The following IGSF10 variants were observed in gnomAD, a reference collection of about 807,000 sequenced individuals.
IGSF10 encodes the protein immunoglobulin superfamily member 10.
IGSF10 carries 126 observed loss-of-function variants against 128.2 expected under a neutral mutation model. That is an observed-to-expected ratio of 0.98 (90% CI 0.85 to 1.14). IGSF10 has a LOEUF of 1.14. Ranked by LOEUF, IGSF10 falls within the 50% of genes most tolerant of loss-of-function variation. IGSF10 has a pLI of 0.00. For synonymous variants in IGSF10, 1,185 were observed against 1,146.2 expected (o/e 1.03, Z -0.68); for missense variants, 3,295 against 3,149.8 (o/e 1.05, Z -1.10).
the IGSF10 span, among the ~76,000 whole-genome samples, chr3:151,558,018 A>ATATATATTATATATAATATATATT: frequency 9.9e-4 from 15 of 15,210 alleles, 3 homozygotes; most frequent in East Asian, 2.3e-3. Flanking sequence ...ATATATATAT[A>ATATATATTATATATAATATATATT]ATATATATAT....
rs34806213 is a variant in IGSF10 at position 151,445,368 on chromosome 3, G to A, written c.4613C>T (p.Thr1538Ile). The A allele has an allele frequency of 1.6e-4, 263 of 1,614,166 alleles. 1 individual carries two copies. In the African/African-American group the frequency reaches 3.3e-3, roughly 20 times the overall value. ...VHPNAKFTIG[T>I]THFIYSNLLH... ...CAGATTAGAGTAGATGAAGTGAGTG[G>A]TTCCAATTGTGAACTTGGCATTTGG... The change falls in exon 6 of 8, where the codon ACC becomes ATC. Residue 1538 changes from threonine (T) to isoleucine (I), a missense_variant. Coordinates refer to ENST00000282466, the MANE Select transcript of IGSF10 (RefSeq NM_178822.5).
At chr3:151,589,866 G>A in the IGSF10 span, among the ~76,000 whole-genome samples, 7 of 152,136 alleles carry the variant, frequency 4.6e-5, no homozygotes, top group African/African-American at 1.4e-4. Context: ...TTCAGTCACA[G>A]CTAGGAATAT....
the IGSF10 span, among the ~76,000 whole-genome samples, chr3:151,517,217 A>G: frequency 6.6e-6 from 1 of 152,076 alleles, no homozygotes; most frequent in East Asian, 1.9e-4. Context: ...ACTAAACAGG[A>G]GTGTCTCTGC....
At chr3:151,473,120 T>G in the IGSF10 span, among the ~76,000 whole-genome samples, 1 of 152,194 alleles carries the variant, frequency 6.6e-6, no homozygotes, top group African/African-American at 2.4e-5. Flanking sequence ...CCTTATGTGT[T>G]CTTCTGTTTT....
chr3:151,521,177 C>T, the IGSF10 span, among the ~76,000 whole-genome samples: 6 of 151,776 alleles, frequency 4.0e-5, no homozygotes, highest in African/African-American at 1.4e-4. Context: ...GAAAACCTAA[C>T]TATCCTGTTT....
At position 151,449,285 on chromosome 3, in the gene IGSF10, G is replaced by C. The variant is rs1560179456; in HGVS notation, c.716-20C>G. ...TTACATCTGGAAAAAAATCACAATT[G>C]AATTATCAGTTGTGACCTCTTTATG... On this transcript the variant is annotated intron_variant, in intron 5 of 7. Transcript: ENST00000282466. 1.3e-6 allele frequency: 2 copies of C among 1,549,664 alleles called. No individual in the cohort carries two copies. The highest frequency in any genetic ancestry group is 1.7e-6 in the Non-Finnish European group (2 of 1,150,254).
the IGSF10 span, among the ~76,000 whole-genome samples, chr3:151,469,675 A>G: frequency 6.6e-6 from 1 of 152,186 alleles, no homozygotes; most frequent in Non-Finnish European, 1.5e-5. Flanking sequence ...AAAGTGTGCA[A>G]CCTATGAAAG....
chr3:151,594,579 C>A, the IGSF10 span, among the ~76,000 whole-genome samples: 1 of 151,392 alleles, frequency 6.6e-6, no homozygotes, highest in African/African-American at 2.4e-5. Context: ...CCTCGGCCTC[C>A]CAAAGTGCTG....
intron 7 of IGSF10, among the ~76,000 whole-genome samples, chr3:151,439,618 AAAAT>A (rs1720715515): frequency 6.6e-6 from 1 of 152,170 alleles, no homozygotes; most frequent in African/African-American, 2.4e-5. Context: ...GTTTTAGAAA[AAAAT>A]AAATTTTACT....
Position 151,447,104 on chromosome 3 carries a change from T to C in IGSF10, c.2877A>G (p.Arg959=), listed in dbSNP as rs1483713469. Residue 959 remains arginine (R), a synonymous_variant, in exon 6 of 8, where the codon AGA becomes AGG. Coordinates refer to ENST00000282466, the MANE Select transcript of IGSF10 (RefSeq NM_178822.5). ...GATTGTGCCTGGGTTCACTCACTTC[T>C]CTTACAGATGTCTGATGACTATTTG... ...NTTNSHQTSV[R]EVSEPRHNHF... is the part of the protein sequence containing the mutation. 6.2e-7 allele frequency: 1 copy of C among 1,614,224 alleles called. No homozygotes were observed. Among genetic ancestry groups the C allele is most frequent in the East Asian group, 2.2e-5 (1 of 44,886 alleles).
the IGSF10 span, among the ~76,000 whole-genome samples, chr3:151,506,500 T>A: frequency 7.2e-5 from 11 of 152,006 alleles, no homozygotes; most frequent in African/African-American, 1.9e-4. Flanking sequence ...TAAAGATTTC[T>A]GCCTATGTAT....
the IGSF10 span, among the ~76,000 whole-genome samples, chr3:151,504,050 A>C: frequency 6.6e-6 from 1 of 152,158 alleles, no homozygotes; most frequent in Non-Finnish European, 1.5e-5. Context: ...CTCTGGCTGC[A>C]TGACACCAAA....
chr3:151,574,016 CT>C, the IGSF10 span, among the ~76,000 whole-genome samples: 6 of 151,572 alleles, frequency 4.0e-5, no homozygotes, highest in Admixed American at 6.6e-5. Flanking sequence ...TATGAAAATT[CT>C]TTTCTTTAAG....
Position 151,448,440 on chromosome 3 carries a change from C to T in IGSF10, c.1541G>A (p.Gly514Glu). The change falls in exon 6 of 8, where the codon GGA becomes GAA. Residue 514 changes from glycine to glutamate, a missense_variant. Transcript: ENST00000282466. ...GACATAAGGGGCTCTCACTTTACTT[C>T]CATCAGCTAGAAGCCAATCCACGTG... ...TPHVDWLLAD[G>E]SKVRAPYVSE... 1 of 1,614,226 alleles carries T rather than the reference C, an allele frequency of 6.2e-7. No individual in the cohort carries two copies. The highest frequency in any genetic ancestry group is 8.5e-7 in the Non-Finnish European group (1 of 1,180,036).
At chr3:151,463,539 T>G (rs1446017962), upstream of IGSF10, among the ~76,000 whole-genome samples, 94 of 107,488 alleles carry the variant, frequency 8.7e-4, 2 homozygotes, top group African/African-American at 3.6e-3. Flanking sequence ...TTTTTTTTTT[T>G]TTTTTTTTTT....
At chr3:151,559,503 T>C in the IGSF10 span, among the ~76,000 whole-genome samples, 2 of 152,104 alleles carry the variant, frequency 1.3e-5, no homozygotes, top group African/African-American at 4.8e-5. Context: ...TTTTAAAAAT[T>C]TGGAGGTTCT....
chr3:151,530,644 CTTTACAGACA>C, the IGSF10 span, among the ~76,000 whole-genome samples: 1 of 152,102 alleles, frequency 6.6e-6, no homozygotes, highest in African/African-American at 2.4e-5. Context: ...AAATAAAGTC[CTTTACAGACA>C]AGCAAATGCT....
At position 151,440,467 on chromosome 3, in the gene IGSF10, C is replaced by A. The variant is rs538927464; in HGVS notation, c.5964-1870G>T. ...CAAAGTAAAATCAATACAAATACAC[C>A]TAAAGGAAGGGAAACTGCCAGGTGC... is the stretch of plus-strand genomic sequence containing the variant. On this transcript the variant is annotated intron_variant, in intron 7 of 7. Transcript: ENST00000282466. 6 of 445,170 alleles carry A rather than the reference C, an allele frequency of 1.3e-5. No homozygotes were observed. In the East Asian group the frequency reaches 3.5e-4, roughly 26 times the overall value. 27.6% of individuals were successfully genotyped at this position (445,170 alleles called of 1,614,324 possible).
the IGSF10 span, among the ~76,000 whole-genome samples, chr3:151,538,739 C>T: frequency 1.3e-5 from 2 of 152,140 alleles, no homozygotes; most frequent in Admixed American, 6.6e-5. Context: ...CCAAGTCTAG[C>T]GCAGTGTCTG....
Sources: gnomAD v4.1 joint callset for allele counts (sites outside exome capture counted in the v4.1 genomes callset) on GRCh38, gnomAD v4.1.1 for gene constraint, MANE v1.5 for transcripts, NCBI Gene and HGNC (gene_info 2026-07-23, HGNC 2026-07-21) for gene names.